RSF1: variants seen among roughly 807,000 people sequenced by gnomAD.
RSF1 encodes the protein HBV pX-associated protein 8.
A neutral mutation model predicts 145.2 loss-of-function variants in RSF1; 13 were observed. That is an observed-to-expected ratio of 0.09 (90% confidence interval 0.06 to 0.14). RSF1 has a LOEUF of 0.14. RSF1 is among the 10% of genes least tolerant of loss of function. RSF1 has a pLI of 1.00. For missense variants in RSF1, 1,517 were observed against 1,718.2 expected (o/e 0.88, Z 2.07); for synonymous variants, 577 against 592.6 (o/e 0.97, Z 0.38).
chr11:77,857,737 C>G, the RSF1 span, among the ~76,000 whole-genome samples: 5 of 150,264 alleles, frequency 3.3e-5, no homozygotes, highest in Non-Finnish European at 5.9e-5. Flanking sequence ...CGCTCTGTCA[C>G]CCAGGCTGGA....
intron 5 of RSF1, among the ~76,000 whole-genome samples, chr11:77,710,816 T>C (rs1960660663): frequency 6.6e-6 from 1 of 152,200 alleles, no homozygotes; most frequent in South Asian, 2.1e-4. Flanking sequence ...TCATTTACTA[T>C]CTTATTATAT....
At chr11:77,712,231 A>G (rs1440504861) in intron 5 of RSF1, among the ~76,000 whole-genome samples, 5 of 152,176 alleles carry the variant, frequency 3.3e-5, no homozygotes, top group East Asian at 1.9e-4. Flanking sequence ...CGTGTAGTGA[A>G]TAAGTCTCAG....
intron 1 of RSF1, 134 bp downstream of exon 1, chr11:77,820,394 C>T (rs1948852475): frequency 2.1e-6 from 2 of 958,884 alleles, no homozygotes; most frequent in Non-Finnish European, 3.0e-6. Flanking sequence ...AAGACCAGCC[C>T]GGCGGAGTTG....
chr11:77,796,742 T>A (rs909627590), intron 1 of RSF1, among the ~76,000 whole-genome samples: 3 of 152,176 alleles, frequency 2.0e-5, no homozygotes, highest in African/African-American at 7.2e-5. Flanking sequence ...AATAACATGA[T>A]TATACATTTA....
chr11:77,694,200 G>C (rs1246024110), intron 7 of RSF1, among the ~76,000 whole-genome samples: 3 of 152,140 alleles, frequency 2.0e-5, no homozygotes, highest in Admixed American at 2.0e-4. Context: ...AGTCATAAAG[G>C]CTATAACAAC....
the RSF1 span, among the ~76,000 whole-genome samples, chr11:77,846,454 T>A: frequency 6.6e-6 from 1 of 152,152 alleles, no homozygotes; most frequent in South Asian, 2.1e-4. Flanking sequence ...CCCCATCGTC[T>A]CCTCAACTTT....
chr11:77,739,012 TA>T (rs770225280), intron 4 of RSF1: 3 of 149,316 alleles, frequency 2.0e-5, no homozygotes, highest in Non-Finnish European at 4.4e-5. Context: ...ACTCCTCTCA[TA>T]AATTACACCT....
chr11:77,813,148 A>C (rs910584701), intron 1 of RSF1, among the ~76,000 whole-genome samples: 2 of 152,194 alleles, frequency 1.3e-5, no homozygotes, highest in Non-Finnish European at 2.9e-5. Flanking sequence ...AATATCTTAC[A>C]CAACTTACTT....
intron 7 of RSF1, among the ~76,000 whole-genome samples, chr11:77,695,568 T>C (rs1322314547): frequency 6.6e-6 from 1 of 152,162 alleles, no homozygotes; most frequent in Non-Finnish European, 1.5e-5. Flanking sequence ...CCTGTGTCCT[T>C]AGGACTTGCC....
intron 2 of RSF1, among the ~76,000 whole-genome samples, chr11:77,749,929 G>T (rs1565169384): frequency 6.6e-6 from 1 of 151,788 alleles, no homozygotes; most frequent in Non-Finnish European, 1.5e-5. Flanking sequence ...TTGTATTTTT[G>T]GTAGAGACGA....
At chr11:77,797,051 G>A (rs1948579197) in intron 1 of RSF1, among the ~76,000 whole-genome samples, 1 of 152,202 alleles carries the variant, frequency 6.6e-6, no homozygotes, top group African/African-American at 2.4e-5. Context: ...TCATGGATAG[G>A]AAGAATCAAT....
chr11:77,775,862 T>A (rs1948337207), intron 1 of RSF1, among the ~76,000 whole-genome samples: 1 of 152,194 alleles, frequency 6.6e-6, no homozygotes, highest in African/African-American at 2.4e-5. Flanking sequence ...AGCCTCAAAC[T>A]CCTAGGCTCA....
the RSF1 span, among the ~76,000 whole-genome samples, chr11:77,863,415 A>C: frequency 6.6e-6 from 1 of 152,176 alleles, no homozygotes; most frequent in Non-Finnish European, 1.5e-5. Context: ...AGAAGAGTGC[A>C]GTTGCAAGAT....
intron 1 of RSF1, among the ~76,000 whole-genome samples, chr11:77,819,317 C>CA (rs954876234): frequency 1.3e-5 from 2 of 152,122 alleles, no homozygotes; most frequent in Non-Finnish European, 2.9e-5. Context: ...CAGAGTATAA[C>CA]AAAAAAGCCT....
chr11:77,678,250 C>A, intron 11 of RSF1, 97 bp from the exon 12 acceptor site: 1 of 644,540 alleles, frequency 1.6e-6, no homozygotes, highest in Non-Finnish European at 2.2e-6. Flanking sequence ...CGGAGTCTCT[C>A]TTTGTTGCCA....
At chr11:77,678,589 T>C (rs1025126384) in intron 11 of RSF1, among the ~76,000 whole-genome samples, 2 of 152,144 alleles carry the variant, frequency 1.3e-5, no homozygotes, top group Non-Finnish European at 2.9e-5. Flanking sequence ...AAAATCCCCA[T>C]GTTGAAATAT....
the RSF1 span, among the ~76,000 whole-genome samples, chr11:77,858,403 C>T: frequency 9.6e-5 from 14 of 146,446 alleles, no homozygotes; most frequent in East Asian, 2.0e-4. Context: ...TTGCCATTGC[C>T]GGCTCGAATG....
chr11:77,818,659 A>C (rs1036830476), intron 1 of RSF1, among the ~76,000 whole-genome samples: 2 of 152,034 alleles, frequency 1.3e-5, no homozygotes, highest in Admixed American at 1.3e-4. Flanking sequence ...CACACCTGTA[A>C]TCCCAGCTAC....
intron 1 of RSF1, among the ~76,000 whole-genome samples, chr11:77,816,783 G>A (rs970101243): frequency 2.0e-5 from 3 of 152,170 alleles, no homozygotes; most frequent in Non-Finnish European, 2.9e-5. Context: ...CTCCAGTTAG[G>A]AGAAACCTGG....
Sources: allele counts gnomAD v4.1 joint callset (sites outside exome capture counted in the v4.1 genomes callset), GRCh38; gene constraint gnomAD v4.1.1; transcripts MANE v1.5; gene names NCBI Gene and HGNC (gene_info 2026-07-23, HGNC 2026-07-21).